GNB1: variants seen among roughly 807,000 people sequenced by gnomAD.
GNB1 encodes guanine nucleotide-binding protein G(I)/G(S)/G(T) subunit beta-1.
In GNB1, 2 loss-of-function variants were observed where a neutral mutation model predicts 42.9. That is an observed-to-expected ratio of 0.05 (90% confidence interval 0.02 to 0.15). The LOEUF (loss-of-function observed/expected upper bound fraction) is 0.15, where lower values mean the gene tolerates loss of function less well. GNB1 is among the 10% of genes least tolerant of loss of function. GNB1 has a pLI of 1.00. For synonymous variants in GNB1, 183 were observed against 174.7 expected (o/e 1.05, Z -0.38); for missense variants, 193 against 462.2 (o/e 0.42, Z 5.34).
In GNB1 at chr1:1,789,279, G is replaced by A; in HGVS notation, c.700-10C>T. On this transcript the variant is annotated splice_polypyrimidine_tract_variant and intron_variant, in intron 9 of 11. Coordinates refer to ENST00000378609, the MANE Select transcript of GNB1 (RefSeq NM_002074.5). ...TGCCATTTGGAAAGAACTGGAAAGA[G>A]AAAGCAAATCAAGACATCATGTAAA... 1.3e-6 allele frequency: 2 copies of A among 1,514,652 alleles called. No homozygotes were observed. Among genetic ancestry groups the A allele is most frequent in the South Asian group, 1.1e-5 (1 of 89,024 alleles). The allele number at this position is 1,514,652 out of a possible 1,614,324, so 93.8% of individuals were successfully genotyped here.
At chr1:1,840,758 T>G (rs777624603) in intron 1 of GNB1, among the ~76,000 whole-genome samples, 6 of 152,258 alleles carry the variant, frequency 3.9e-5, no homozygotes, top group Non-Finnish European at 8.8e-5. Flanking sequence ...ATCCAGTGCC[T>G]GGCCCTGGTG....
rs544903815 is a variant in GNB1 at position 1,825,635 on chromosome 1, C to T, written c.-46-136G>A. On this transcript the variant is annotated intron_variant, in intron 2 of 11. Transcript: ENST00000378609. The stretch of plus-strand genomic sequence containing the variant: ...ATCCCAGCACTTTGGGAGGCCGAGG[C>T]GGGCAGATCACGAGGTCAGGAGATC... 274 of 568,320 alleles carry T rather than the reference C, an allele frequency of 4.8e-4. 1 individual carries two copies. Among genetic ancestry groups the T allele is most frequent in the Non-Finnish European group, 7.7e-4 (238 of 309,712 alleles). The allele number at this position is 568,320 out of a possible 1,614,324, so 35.2% of individuals were successfully genotyped here. A position where few individuals can be genotyped will look rare whatever the true frequency, so the allele number is the denominator to read the frequency against.
intron 3 of GNB1, among the ~76,000 whole-genome samples, chr1:1,822,052 G>A (rs185741460): frequency 4.6e-5 from 7 of 152,166 alleles, no homozygotes; most frequent in Admixed American, 1.3e-4. Context: ...AGCTGTGATC[G>A]CACCACTGCT....
chr1:1,814,180 T>C (rs1464807115), intron 5 of GNB1, among the ~76,000 whole-genome samples: 2 of 152,176 alleles, frequency 1.3e-5, no homozygotes, highest in Admixed American at 6.6e-5. Context: ...GGATACTATA[T>C]AGAACAAACT....
At chr1:1,839,400 T>A (rs1203859528) in intron 1 of GNB1, among the ~76,000 whole-genome samples, 162 bp from the exon 2 acceptor site, 1 of 152,208 alleles carries the variant, frequency 6.6e-6, no homozygotes, top group East Asian at 1.9e-4. Context: ...CTGTCATATT[T>A]TGTTTTTCAG....
rs1491398910 is a variant in GNB1 at position 1,803,982 on chromosome 1, T to TA, written c.430+436dup. 3.6e-3 allele frequency among the ~76,000 whole-genome samples: 89 copies of TA among 24,648 alleles called. 3 individuals carry two copies. The highest frequency in any genetic ancestry group is 0.011 in the East Asian group (12 of 1,128). The allele number at this position is 24,648 out of a possible 152,430, so 16.2% of individuals were successfully genotyped here. A position where few individuals can be genotyped will look rare whatever the true frequency, so the allele number is the denominator to read the frequency against. On this transcript the variant is annotated intron_variant, in intron 7 of 11. Coordinates refer to ENST00000378609, the MANE Select transcript of GNB1 (RefSeq NM_002074.5). ...GGGTGACATAGTGAGACTCTGTCTT[T>TA]AAAAAAAAAAAAAAAAAAAAAGAAA...
chr1:1,880,821 C>G (rs1233751786), intron 1 of GNB1, among the ~76,000 whole-genome samples: 1 of 152,126 alleles, frequency 6.6e-6, no homozygotes, highest in Non-Finnish European at 1.5e-5. Context: ...GTCACTACGT[C>G]AGCATTTACT....
intron 1 of GNB1, among the ~76,000 whole-genome samples, chr1:1,863,072 A>G (rs1206926396): frequency 2.0e-5 from 3 of 152,212 alleles, no homozygotes; most frequent in African/African-American, 7.2e-5. Context: ...CACTGGGGTC[A>G]TCCCGGGTGG....
chr1:1,819,448 T>C (rs891789389), intron 3 of GNB1, among the ~76,000 whole-genome samples: 3 of 152,234 alleles, frequency 2.0e-5, no homozygotes, highest in African/African-American at 4.8e-5. Flanking sequence ...CTAGAACTCC[T>C]GACCTCAGGT....
At chr1:1,805,347 C>T (rs1646682483) in intron 6 of GNB1, among the ~76,000 whole-genome samples, 1 of 149,046 alleles carries the variant, frequency 6.7e-6, no homozygotes, top group Non-Finnish European at 1.5e-5. Flanking sequence ...GTAATCCCAG[C>T]TACTCAAGGA....
chr1:1,795,087 T>A (rs1033194856), intron 7 of GNB1, among the ~76,000 whole-genome samples: 1 of 152,154 alleles, frequency 6.6e-6, no homozygotes, highest in African/African-American at 2.4e-5. Context: ...CGTGGTCAAA[T>A]ACTTCCTGGA....
chr1:1,788,959 C>T, intron 10 of GNB1, 94 bp downstream of exon 10: 1 of 916,450 alleles, frequency 1.1e-6, no homozygotes, highest in Non-Finnish European at 1.7e-6. Context: ...CCCACCGATA[C>T]TAAAACACTG....
intron 7 of GNB1, among the ~76,000 whole-genome samples, chr1:1,796,756 G>T (rs1051883753): frequency 6.6e-6 from 1 of 152,202 alleles, no homozygotes; most frequent in African/African-American, 2.4e-5. Flanking sequence ...AGTGCCTCAA[G>T]GAGAGGCTGA....
At chr1:1,889,195 G>A (rs968837173) in intron 1 of GNB1, among the ~76,000 whole-genome samples, 1 of 152,174 alleles carries the variant, frequency 6.6e-6, no homozygotes, top group African/African-American at 2.4e-5. Flanking sequence ...GCAGTTCACT[G>A]AAACTTTCCA....
intron 1 of GNB1, among the ~76,000 whole-genome samples, chr1:1,865,279 C>CAAAAAAAAACCA (rs1648867520): frequency 7.9e-6 from 1 of 126,980 alleles, no homozygotes; most frequent in African/African-American, 3.0e-5. Flanking sequence ...AAAAAAAAAA[C>CAAAAAAAAACCA]AAAAAAAAAC....
chr1:1,791,459 G>A (rs1646480537), intron 8 of GNB1, among the ~76,000 whole-genome samples: 1 of 152,222 alleles, frequency 6.6e-6, no homozygotes, highest in African/African-American at 2.4e-5. Flanking sequence ...ACAGGCATGA[G>A]CCACCGCGCC....
In GNB1 at chr1:1,787,545, CA is replaced by C; in HGVS notation, c.917-109del. The C allele has an allele frequency of 1.6e-6, 1 of 644,414 alleles. No individual in the cohort carries two copies. The highest frequency in any genetic ancestry group is 2.7e-6 in the Non-Finnish European group (1 of 370,576). 39.9% of individuals were successfully genotyped at this position (644,414 alleles called of 1,614,324 possible). A position where few individuals can be genotyped will look rare whatever the true frequency, so the allele number is the denominator to read the frequency against. On this transcript the variant is annotated intron_variant, in intron 10 of 11. Transcript: ENST00000378609. This position sits in a 1 kb window ranked among gnomAD's most constrained non-coding sequence, Gnocchi z 4.4. ...GGTGCATCTCTCATGGGACAAGACCCAGAGTCTCCCACGGCCAGGAAGGGAG... is the reference window on the plus strand; with the variant it reads ...GGTGCATCTCTCATGGGACAAGACCCGAGTCTCCCACGGCCAGGAAGGGAG...
At chr1:1,848,711 G>A (rs1262943044) in intron 1 of GNB1, among the ~76,000 whole-genome samples, 1 of 152,154 alleles carries the variant, frequency 6.6e-6, no homozygotes, top group African/African-American at 2.4e-5. Context: ...GTCAATAGCA[G>A]GCTATTAGTA....
At chr1:1,818,581 G>A (rs1296692136) in intron 3 of GNB1, among the ~76,000 whole-genome samples, 1 of 152,058 alleles carries the variant, frequency 6.6e-6, no homozygotes, top group East Asian at 1.9e-4. Context: ...AAGGAAAATA[G>A]GCTGGGTGTG....
Sources: allele counts gnomAD v4.1 joint callset (sites outside exome capture counted in the v4.1 genomes callset), GRCh38; gene constraint gnomAD v4.1.1; non-coding constraint Gnocchi (gnomAD v3.1); transcripts MANE v1.5; gene names NCBI Gene and HGNC (gene_info 2026-07-23, HGNC 2026-07-21).